The following NALF1 variants were observed in gnomAD, a reference collection of about 807,000 sequenced individuals.
NALF1 encodes family with sequence similarity 155 member A.
NALF1 carries 3 observed loss-of-function variants against 48.4 expected under a neutral mutation model. The observed-to-expected ratio is 0.06, with a 90% confidence interval of 0.03 to 0.16. The LOEUF (loss-of-function observed/expected upper bound fraction) is 0.16. Among genes scored for constraint, NALF1 ranks in the 10% least tolerant of loss-of-function variants. The pLI, the probability that NALF1 is intolerant of heterozygous loss-of-function variation, is 1.00. For synonymous variants in NALF1, 262 were observed against 245.7 expected (o/e 1.07, Z -0.62); for missense variants, 526 against 571.5 (o/e 0.92, Z 0.81).
intron 1 of NALF1, among the ~76,000 whole-genome samples, chr13:107,728,864 G>A (rs1368028469): frequency 6.6e-6 from 1 of 152,100 alleles, no homozygotes; most frequent in Non-Finnish European, 1.5e-5. Context: ...CAAGATAAAG[G>A]CTCATAGCCA....
At chr13:107,816,668 A>T (rs957143499) in intron 1 of NALF1, among the ~76,000 whole-genome samples, 1 of 152,198 alleles carries the variant, frequency 6.6e-6, no homozygotes, top group East Asian at 1.9e-4. Context: ...GATGGTATAC[A>T]AAAGTTTTTA....
intron 1 of NALF1, among the ~76,000 whole-genome samples, chr13:107,818,458 A>C (rs934664633): frequency 6.6e-6 from 1 of 152,120 alleles, no homozygotes; most frequent in African/African-American, 2.4e-5. Flanking sequence ...GGGTTTGTGG[A>C]GGTTGAGTCC....
intron 1 of NALF1, among the ~76,000 whole-genome samples, chr13:107,483,105 C>T (rs1439245217): frequency 6.6e-6 from 1 of 152,168 alleles, no homozygotes; most frequent in Non-Finnish European, 1.5e-5. Flanking sequence ...TATGTAAACA[C>T]AATGCACTGA....
chr13:107,461,252 A>C (rs553024138), intron 1 of NALF1, among the ~76,000 whole-genome samples: 103 of 152,284 alleles, frequency 6.8e-4, no homozygotes, highest in Non-Finnish European at 1.4e-3. Context: ...TTTTTACTAT[A>C]GTCTTTTCCT....
At chr13:107,218,859 C>A in intron 1 of NALF1, among the ~76,000 whole-genome samples, 1 of 152,226 alleles carries the variant, frequency 6.6e-6, no homozygotes, top group East Asian at 1.9e-4. Context: ...GTTATTTAAA[C>A]GGACACACTA....
chr13:107,667,217 C>T lies in NALF1; in HGVS notation c.915+198465G>A, dbSNP rs9559129. On this transcript the variant is annotated intron_variant, in intron 1 of 2. Coordinates refer to ENST00000375915, the MANE Select transcript of NALF1 (RefSeq NM_001080396.3). The stretch of plus-strand genomic sequence containing the variant: ...TAACCTTGTATGTAATTACCATAAA[C>T]GACATTTTAAAGTTGGAGAGTCAAT... 0.018 allele frequency among the ~76,000 whole-genome samples: 2,668 copies of T among 151,920 alleles called. 146 individuals are homozygous for T. The East Asian group carries it at 0.2, about 11-fold the overall frequency.
rs1290578271 is a variant in NALF1, at chr13:107,743,702, A to T, written c.915+121980T>A. Among the ~76,000 whole-genome samples, 3 of 152,336 alleles carry T rather than the reference A, an allele frequency of 2.0e-5. No individual in the cohort carries two copies. In the South Asian group the frequency reaches 6.2e-4, roughly 32 times the overall value. On this transcript the variant is annotated intron_variant, in intron 1 of 2. Coordinates refer to ENST00000375915, the MANE Select transcript of NALF1 (RefSeq NM_001080396.3). ...ATATTCCTCACAGAGTAAACAGTAT[A>T]GCAGATTTGTATACAGAACACAGTG...
At chr13:107,503,828 C>A (rs140351334) in intron 1 of NALF1, among the ~76,000 whole-genome samples, 311 of 149,986 alleles carry the variant, frequency 2.1e-3, no homozygotes, top group Middle Eastern at 6.9e-3. Flanking sequence ...AAGACCCTGC[C>A]ATTTGCCACA....
At chr13:107,657,484 G>C (rs886394382) in intron 1 of NALF1, among the ~76,000 whole-genome samples, 4 of 152,116 alleles carry the variant, frequency 2.6e-5, no homozygotes, top group African/African-American at 7.2e-5. Flanking sequence ...ATACATGTGT[G>C]GATTTGGGGA....
chr13:107,224,978 G>C (rs563132393), intron 1 of NALF1, among the ~76,000 whole-genome samples: 13 of 150,142 alleles, frequency 8.7e-5, no homozygotes, highest in African/African-American at 3.2e-4. Context: ...GGAATATTCA[G>C]GTAACATTTA....
chr13:107,418,127 G>T (rs191522312), intron 1 of NALF1, among the ~76,000 whole-genome samples: 1 of 152,236 alleles, frequency 6.6e-6, no homozygotes, highest in Admixed American at 6.5e-5. Context: ...ATTCACAGTG[G>T]TACTATTTGT....
chr13:107,296,265 T>C lies in NALF1; in HGVS notation c.916-85510A>G, dbSNP rs547464046. On this transcript the variant is annotated intron_variant, in intron 1 of 2. Coordinates refer to ENST00000375915, the MANE Select transcript of NALF1 (RefSeq NM_001080396.3). ...CTACATTTTCAGATTTAATCCGTGA[T>C]AGTGTTTATTTTTAAAACTTTTTCA... Among the ~76,000 whole-genome samples, 201 of 152,356 alleles carry C rather than the reference T, an allele frequency of 1.3e-3. 1 individual carries two copies. Among genetic ancestry groups the C allele is most frequent in the Non-Finnish European group, 2.3e-3 (157 of 68,034 alleles).
In NALF1 at chr13:107,259,897, C is replaced by T. The variant is rs532275774; in HGVS notation, c.916-49142G>A. ...ACATATTTAACAATGAAATCCACAG[C>T]TCTACACTCCATGAGAGCAAGCACT... On this transcript the variant is annotated intron_variant, in intron 1 of 2. Transcript: ENST00000375915. 4.1e-5 allele frequency among the ~76,000 whole-genome samples: 6 copies of T among 147,988 alleles called. No individual in the cohort carries two copies. The South Asian group carries it at 1.1e-3, about 27-fold the overall frequency.
At chr13:107,704,217 T>C (rs1381825962) in intron 1 of NALF1, among the ~76,000 whole-genome samples, 1 of 152,200 alleles carries the variant, frequency 6.6e-6, no homozygotes, top group Non-Finnish European at 1.5e-5. Context: ...CTCTATTCAT[T>C]GTTCTGGTTG....
chr13:107,465,049 A>G (rs1285023551), intron 1 of NALF1, among the ~76,000 whole-genome samples: 2 of 151,722 alleles, frequency 1.3e-5, no homozygotes, highest in African/African-American at 4.8e-5. Context: ...TTAACTTTAC[A>G]TTTTGGTATA....
At position 107,196,420 on chromosome 13, in the gene NALF1, C is replaced by G. The variant is rs192288314; in HGVS notation, c.1087+14164G>C. ...GAAAAGAAAAAGCATTCTCAACAGC[C>G]AAGATGTAGAAACAATTAGAGTGTT... On this transcript the variant is annotated intron_variant, in intron 2 of 2. Coordinates refer to ENST00000375915, the MANE Select transcript of NALF1 (RefSeq NM_001080396.3). Among the ~76,000 whole-genome samples the G allele has an allele frequency of 1.7e-4, 26 of 152,148 alleles. No individual in the cohort carries two copies. In the East Asian group the frequency reaches 3.7e-3, roughly 21 times the overall value.
chr13:107,843,673 C>G (rs534592284), intron 1 of NALF1, among the ~76,000 whole-genome samples: 14 of 152,196 alleles, frequency 9.2e-5, no homozygotes, highest in Admixed American at 4.6e-4. Context: ...CCAGCAGATA[C>G]ACCCTAAAAC....
At chr13:107,404,465 C>A (rs1355227865) in intron 1 of NALF1, among the ~76,000 whole-genome samples, 1 of 151,914 alleles carries the variant, frequency 6.6e-6, no homozygotes, top group Non-Finnish European at 1.5e-5. Context: ...CCACTGAAAG[C>A]ATTTTTAAAT....
chr13:107,699,101 C>T (rs143069774), intron 1 of NALF1, among the ~76,000 whole-genome samples: 2 of 152,136 alleles, frequency 1.3e-5, no homozygotes, highest in East Asian at 1.9e-4. Context: ...ATTTCCTTAG[C>T]GTTTGCAGAG....
Sources: gnomAD v4.1 joint callset for allele counts (sites outside exome capture counted in the v4.1 genomes callset) on GRCh38, gnomAD v4.1.1 for gene constraint, MANE v1.5 for transcripts, NCBI Gene and HGNC (gene_info 2026-07-23, HGNC 2026-07-21) for gene names.